Variants in DCLK1 observed in about 807,000 individuals in gnomAD.
DCLK1 encodes doublecortin like kinase 1.
Under a neutral mutation model 86.2 loss-of-function variants are expected in DCLK1, and 16 were observed. The ratio of observed to expected loss-of-function variants is 0.19; its 90% CI spans 0.13 to 0.28. The LOEUF (loss-of-function observed/expected upper bound fraction) is 0.28. DCLK1 is among the 10% of genes least tolerant of loss of function. DCLK1 has a pLI of 1.00. For missense variants in DCLK1, 590 were observed against 940.2 expected (o/e 0.63, Z 4.87); for synonymous variants, 369 against 370.5 (o/e 1.00, Z 0.05).
At chr13:36,011,507 GT>G (rs1445066786) in intron 3 of DCLK1, among the ~76,000 whole-genome samples, 1 of 134,020 alleles carries the variant, frequency 7.5e-6, no homozygotes, top group African/African-American at 2.9e-5. Flanking sequence ...TCAGGAGCAG[GT>G]TGTTCAGTTT....
At chr13:35,939,788 T>C (rs1001499445) in intron 4 of DCLK1, among the ~76,000 whole-genome samples, 3 of 152,122 alleles carry the variant, frequency 2.0e-5, no homozygotes, top group African/African-American at 7.2e-5. Context: ...ATACCATCCA[T>C]CTCAAAGAAA....
At chr13:35,976,332 G>A (rs1196540821) in intron 3 of DCLK1, among the ~76,000 whole-genome samples, 1 of 151,918 alleles carries the variant, frequency 6.6e-6, no homozygotes, top group Non-Finnish European at 1.5e-5. Context: ...GGAAGCTCCT[G>A]GCCACACTGC....
chr13:35,796,547 A>T (rs1220980754), intron 15 of DCLK1, among the ~76,000 whole-genome samples: 1 of 152,168 alleles, frequency 6.6e-6, no homozygotes, highest in Non-Finnish European at 1.5e-5. Context: ...GGAAGGTGAC[A>T]CAAGTGTTAA....
intron 4 of DCLK1, among the ~76,000 whole-genome samples, chr13:35,938,125 G>A (rs1367189132): frequency 6.6e-6 from 1 of 152,162 alleles, no homozygotes; most frequent in East Asian, 1.9e-4. Context: ...GAAAACAGGA[G>A]AGAAGATGAG....
At chr13:36,063,353 C>T (rs1043917016) in intron 3 of DCLK1, among the ~76,000 whole-genome samples, 18 of 152,072 alleles carry the variant, frequency 1.2e-4, no homozygotes, top group African/African-American at 2.2e-4. Flanking sequence ...CCAGAGAGAA[C>T]GTGGGAACTT....
chr13:36,105,399 G>T (rs1009027411), intron 3 of DCLK1, among the ~76,000 whole-genome samples: 1 of 152,070 alleles, frequency 6.6e-6, no homozygotes, highest in Non-Finnish European at 1.5e-5. Flanking sequence ...TGCTAAATTT[G>T]CCATGTGAAT....
intron 7 of DCLK1, among the ~76,000 whole-genome samples, chr13:35,837,158 G>A (rs1238811890): frequency 6.6e-6 from 1 of 152,170 alleles, no homozygotes; most frequent in Non-Finnish European, 1.5e-5. Context: ...AGTAGTTTTT[G>A]TATTCATGCT....
chr13:35,966,261 T>A (rs900394334), intron 3 of DCLK1, among the ~76,000 whole-genome samples: 1 of 152,300 alleles, frequency 6.6e-6, no homozygotes, highest in South Asian at 2.1e-4. Context: ...GGAATTCCCA[T>A]ACAATCCAGC....
chr13:35,988,078 T>A (rs1880030171), intron 3 of DCLK1, among the ~76,000 whole-genome samples: 1 of 152,146 alleles, frequency 6.6e-6, no homozygotes, highest in African/African-American at 2.4e-5. Context: ...ATTTCCCTCT[T>A]TCCCCAGCAC....
Position 35,822,340 on chromosome 13 carries a change from T to C in DCLK1, c.1554+389A>G, listed in dbSNP as rs2087415477. ...GGCTAATTAAAAAAAATTTTTTTTG[T>C]GTAGAGATGGGGGTCTCACTATGTT... On this transcript the variant is annotated intron_variant, in intron 11 of 16. Transcript: ENST00000360631. Among the ~76,000 whole-genome samples, 3 of 151,876 alleles carry C rather than the reference T, an allele frequency of 2.0e-5. No homozygotes were observed. The East Asian group carries it at 5.8e-4, about 30-fold the overall frequency.
intron 3 of DCLK1, among the ~76,000 whole-genome samples, chr13:35,998,374 A>G (rs1880565318): frequency 2.0e-5 from 3 of 152,134 alleles, no homozygotes; most frequent in African/African-American, 7.2e-5. Context: ...TCCATTCAAT[A>G]TCTCCTGCGA....
At chr13:35,983,511 G>GC (rs1409697024) in intron 3 of DCLK1, among the ~76,000 whole-genome samples, 1 of 152,120 alleles carries the variant, frequency 6.6e-6, no homozygotes, top group Non-Finnish European at 1.5e-5. Context: ...CCATCAGAAA[G>GC]TTTTTTCTAG....
At chr13:35,785,174 G>C (rs1376694936) in intron 16 of DCLK1, among the ~76,000 whole-genome samples, 2 of 152,216 alleles carry the variant, frequency 1.3e-5, no homozygotes, top group Non-Finnish European at 2.9e-5. Flanking sequence ...GGGTTACCCA[G>C]TTCTAGCTGT....
rs181156858 is a variant in DCLK1 at position 35,849,758 on chromosome 13, G to A, written c.1035+4741C>T. 2.9e-4 allele frequency: 290 copies of A among 985,212 alleles called. 1 individual carries two copies. The African/African-American group carries it at 4.8e-3, about 16-fold the overall frequency. 61.0% of individuals were successfully genotyped at this position (985,212 alleles called of 1,614,324 possible). On this transcript the variant is annotated intron_variant, in intron 6 of 16. Transcript: ENST00000360631. ...AAGATTGAGAATTTTTCAGAGTGGA[G>A]ATTTGGATACTCTGGGCCTGATTTA...
chr13:35,882,654 C>A (rs542622114), intron 4 of DCLK1, among the ~76,000 whole-genome samples: 43 of 152,088 alleles, frequency 2.8e-4, no homozygotes, highest in Non-Finnish European at 4.9e-4. Context: ...TAACCTCCTG[C>A]CTCTGGGCAT....
chr13:36,058,509 G>A (rs1350958971), intron 3 of DCLK1, among the ~76,000 whole-genome samples: 1 of 152,144 alleles, frequency 6.6e-6, no homozygotes, highest in Non-Finnish European at 1.5e-5. Context: ...CACTTAGTGA[G>A]GAAGGATGAA....
At chr13:36,064,053 T>A (rs1883655295) in intron 3 of DCLK1, among the ~76,000 whole-genome samples, 1 of 152,270 alleles carries the variant, frequency 6.6e-6, no homozygotes, top group East Asian at 1.9e-4. Context: ...ATGATAAACA[T>A]CTCACACTAA....
chr13:35,911,137 A>AAAC (rs1360678661), intron 4 of DCLK1, among the ~76,000 whole-genome samples: 1 of 150,392 alleles, frequency 6.6e-6, no homozygotes, highest in Non-Finnish European at 1.5e-5. Flanking sequence ...CAAAAAAAAA[A>AAAC]AAAAAAACTA....
chr13:36,121,925 G>C (rs1267839330), intron 2 of DCLK1, among the ~76,000 whole-genome samples: 1 of 152,054 alleles, frequency 6.6e-6, no homozygotes, highest in African/African-American at 2.4e-5. Context: ...GGGAAACATG[G>C]CAAAACCCTG....
Sources: gnomAD v4.1 joint callset for allele counts (sites outside exome capture counted in the v4.1 genomes callset) on GRCh38, gnomAD v4.1.1 for gene constraint, MANE v1.5 for transcripts, NCBI Gene and HGNC (gene_info 2026-07-23, HGNC 2026-07-21) for gene names.